The following EFCAB11 variants were observed in gnomAD, a reference collection of about 807,000 sequenced individuals.
EFCAB11 encodes the protein EF-hand calcium binding domain 11.
EFCAB11 carries 14 observed loss-of-function variants against 23.0 expected under a neutral mutation model. The observed-to-expected ratio is 0.61, with a 90% confidence interval of 0.40 to 0.95. The LOEUF (loss-of-function observed/expected upper bound fraction) is 0.95. EFCAB11 is among the 40% of genes least tolerant of loss of function. EFCAB11 has a pLI of 0.00. For missense variants in EFCAB11, 198 were observed against 195.8 expected (o/e 1.01, Z -0.07); for synonymous variants, 65 against 66.6 (o/e 0.98, Z 0.11).
chr14:89,816,057 G>A (rs1326860051), intron 5 of EFCAB11, among the ~76,000 whole-genome samples: 1 of 151,800 alleles, frequency 6.6e-6, no homozygotes, highest in Non-Finnish European at 1.5e-5. Flanking sequence ...CTTCAATTTC[G>A]CTTATCAGTG....
At chr14:89,906,750 T>C (rs978038285) in intron 5 of EFCAB11, among the ~76,000 whole-genome samples, 2 of 152,084 alleles carry the variant, frequency 1.3e-5, no homozygotes, top group African/African-American at 4.8e-5. Flanking sequence ...GAGGGGAACA[T>C]TAGCAATGGG....
At chr14:89,801,455 TCA>T (rs1946720751) in intron 5 of EFCAB11, among the ~76,000 whole-genome samples, 1 of 142,008 alleles carries the variant, frequency 7.0e-6, no homozygotes, top group South Asian at 2.1e-4. Context: ...CTGAATTCTC[TCA>T]GAGAAATGAG....
chr14:89,901,789 G>A (rs1224599004), intron 5 of EFCAB11, among the ~76,000 whole-genome samples: 4 of 152,120 alleles, frequency 2.6e-5, no homozygotes, highest in Non-Finnish European at 5.9e-5. Flanking sequence ...AATATGGGTT[G>A]AGTTATCCTT....
intron 5 of EFCAB11, 113 bp downstream of exon 5, chr14:89,931,428 A>G (rs1169445184): frequency 1.0e-5 from 10 of 998,952 alleles, no homozygotes; most frequent in East Asian, 4.8e-5. Flanking sequence ...TGCAAGAGAA[A>G]AATGTTCCAG....
At chr14:89,909,945 G>T (rs1889620510) in intron 5 of EFCAB11, among the ~76,000 whole-genome samples, 1 of 152,086 alleles carries the variant, frequency 6.6e-6, no homozygotes, top group Non-Finnish European at 1.5e-5. Context: ...GTCAGCCTTG[G>T]TGCCCCCTCC....
Position 89,881,468 on chromosome 14 carries a change from C to CT in EFCAB11, c.410+50072dup, listed in dbSNP as rs1222148222. On this transcript the variant is annotated intron_variant, in intron 5 of 5. Coordinates refer to ENST00000316738, the MANE Select transcript of EFCAB11 (RefSeq NM_145231.4). ...ATGACTTGGCATATATATATATATT[C>CT]TTTTTTTTTTTCTTTGTCACCCAGG... Among the ~76,000 whole-genome samples the CT allele has an allele frequency of 6.8e-3, 128 of 18,852 alleles. 1 individual carries two copies. The highest frequency in any genetic ancestry group is 9.7e-3 in the Non-Finnish European group (84 of 8,702). The allele number at this position is 18,852 out of a possible 152,430, so 12.4% of individuals were successfully genotyped here.
chr14:89,839,797 A>C (rs1887199266), intron 5 of EFCAB11, among the ~76,000 whole-genome samples: 1 of 150,194 alleles, frequency 6.7e-6, no homozygotes, highest in Non-Finnish European at 1.5e-5. Flanking sequence ...CAGGGGGAAG[A>C]GAGAGGAAGG....
intron 3 of EFCAB11, among the ~76,000 whole-genome samples, chr14:89,941,628 C>T (rs1399065780): frequency 6.7e-6 from 1 of 150,252 alleles, no homozygotes; most frequent in Admixed American, 6.6e-5. Context: ...GTTGCCCAGG[C>T]TGGTCTCAAA....
chr14:89,933,978 G>A (rs957088504), intron 3 of EFCAB11, among the ~76,000 whole-genome samples: 3 of 152,194 alleles, frequency 2.0e-5, no homozygotes, highest in Non-Finnish European at 4.4e-5. Flanking sequence ...CTGTGCCGAG[G>A]CTGTTGTGTG....
chr14:89,906,218 A>G (rs890500077), intron 5 of EFCAB11, among the ~76,000 whole-genome samples: 16 of 150,396 alleles, frequency 1.1e-4, no homozygotes, highest in Admixed American at 2.0e-4. Context: ...TAAATAAATA[A>G]ATTAAAGGTA....
chr14:89,810,459 T>C (rs982698050), intron 5 of EFCAB11, among the ~76,000 whole-genome samples: 1 of 152,210 alleles, frequency 6.6e-6, no homozygotes, highest in Non-Finnish European at 1.5e-5. Context: ...TGTTGGACTT[T>C]GGAGCCAATC....
intron 3 of EFCAB11, among the ~76,000 whole-genome samples, chr14:89,937,482 T>C (rs565908028): frequency 6.6e-6 from 1 of 152,286 alleles, no homozygotes; most frequent in African/African-American, 2.4e-5. Context: ...CTCCTTCCAT[T>C]TTATAAACAA....
chr14:89,951,988 G>A (rs1316390629), intron 2 of EFCAB11, among the ~76,000 whole-genome samples: 1 of 152,046 alleles, frequency 6.6e-6, no homozygotes, highest in African/African-American at 2.4e-5. Flanking sequence ...TATTATATAA[G>A]TATTTTATTG....
In EFCAB11 at chr14:89,932,625, T is replaced by A; in HGVS notation, c.220A>T (p.Ile74Leu). ...MSSINPNTSGILLEGFLNIVR... is the reference protein window; with the variant it reads ...MSSINPNTSGLLLEGFLNIVR... Reference sequence around the variant, plus strand: ...ATATTTAAAAACCCCTCGAGTAATATACCTAAAAGTTGGGGAAAAAACAAT... The same window carrying A: ...ATATTTAAAAACCCCTCGAGTAATAAACCTAAAAGTTGGGGAAAAAACAAT... Residue 74 changes from isoleucine (I) to leucine (L), a missense_variant and splice_region_variant, in exon 4 of 6, where the codon ATA becomes TTA. Transcript: ENST00000316738. 1 of 1,608,032 alleles carries A rather than the reference T, an allele frequency of 6.2e-7. No homozygotes were observed.
At chr14:89,924,164 A>G in intron 5 of EFCAB11, 1 of 985,966 alleles carries the variant, frequency 1.0e-6, no homozygotes, top group Non-Finnish European at 1.2e-6. Context: ...TCAACAAGCA[A>G]TGACATTCTC....
chr14:89,940,253 A>C (rs1429065241), intron 3 of EFCAB11, among the ~76,000 whole-genome samples: 2 of 152,226 alleles, frequency 1.3e-5, no homozygotes, highest in African/African-American at 4.8e-5. Context: ...TATAGAAAAG[A>C]ACTAAGAAGC....
At chr14:89,799,725 T>G (rs1885706582) in intron 5 of EFCAB11, among the ~76,000 whole-genome samples, 1 of 151,932 alleles carries the variant, frequency 6.6e-6, no homozygotes, top group Non-Finnish European at 1.5e-5. Flanking sequence ...TTTGCTGCTG[T>G]GGCCCCACTT....
chr14:89,811,618 C>T (rs1398357030), intron 5 of EFCAB11, among the ~76,000 whole-genome samples: 4 of 152,166 alleles, frequency 2.6e-5, no homozygotes, highest in Non-Finnish European at 4.4e-5. Context: ...GATGTGAAGA[C>T]GCTAAACTGC....
intron 5 of EFCAB11, among the ~76,000 whole-genome samples, chr14:89,853,019 G>A (rs185927381): frequency 1.3e-5 from 2 of 152,206 alleles, no homozygotes; most frequent in East Asian, 1.9e-4. Context: ...ATTTTGTTAA[G>A]TCTTTCCATA....
Sources: allele counts gnomAD v4.1 joint callset (sites outside exome capture counted in the v4.1 genomes callset), GRCh38; gene constraint gnomAD v4.1.1; transcripts MANE v1.5; gene names NCBI Gene and HGNC (gene_info 2026-07-23, HGNC 2026-07-21).